Variants in ARHGAP17 observed in about 807,000 individuals in gnomAD.
The protein encoded by ARHGAP17 is rho GTPase-activating protein 17.
ARHGAP17 carries 57 observed loss-of-function variants against 99.5 expected under a neutral mutation model. That is an observed-to-expected ratio of 0.57 (90% CI 0.46 to 0.71). The LOEUF (loss-of-function observed/expected upper bound fraction) is 0.71, where lower values mean the gene tolerates loss of function less well. Ranked by LOEUF, ARHGAP17 falls within the 30% of genes least tolerant of loss-of-function variation. The probability of loss-of-function intolerance (pLI) is 0.00; values close to 1 mark genes in which losing one functional copy is unlikely to be tolerated. For synonymous variants in ARHGAP17, 417 were observed against 429.6 expected, an observed-to-expected ratio of 0.97 and a Z score of 0.36; for missense variants, 1,000 against 1,122.4, an observed-to-expected ratio of 0.89 and a Z score of 1.56.
In ARHGAP17 at chr16:24,920,070, C is replaced by T. The variant is rs181644997; in HGVS notation, c.*60G>A. The T allele has an allele frequency of 6.9e-6, 11 of 1,588,296 alleles. No individual in the cohort carries two copies. Among genetic ancestry groups the T allele is most frequent in the South Asian group, 1.1e-5 (1 of 89,144 alleles). ...TGTTCGGTCTGCAAAGAAAGAGGTT[C>T]GCCTGCCCCTGCTCCACTCGCCAGG... On this transcript the variant is annotated 3_prime_UTR_variant, in exon 20 of 20. Transcript: ENST00000289968.
chr16:24,935,430 A>G, intron 18 of ARHGAP17, 40 bp downstream of exon 18: 1 of 1,550,258 alleles, frequency 6.5e-7, no homozygotes, highest in Non-Finnish European at 8.7e-7. Context: ...GGAGGTCTGC[A>G]CAGGCTTCCC....
rs1299458878 is a variant in ARHGAP17 at position 25,015,216 on chromosome 16, C to T, written c.46G>A (p.Val16Met). The change falls in exon 1 of 20, where the codon GTG becomes ATG. Residue 16 changes from valine (V) to methionine (M), a missense_variant. Around this residue, in one of 2 missense-constraint regions of ARHGAP17, gnomAD observed 472 missense variants for 611.1 expected, o/e 0.77. Transcript: ENST00000289968. ...GCTGCCCGGCGCACTCGCCTGCCCA[C>T]GGTCTGGTTAGCCAGCTGCTTCATG... Reference protein sequence around the residue: ...NRMKQLANQTVGRAEKTEVLS... With the variant: ...NRMKQLANQTMGRAEKTEVLS... 7.4e-7 allele frequency: 1 copy of T among 1,342,952 alleles called. No individual in the cohort carries two copies. The highest frequency in any genetic ancestry group is 3.3e-5 in the Admixed American group (1 of 30,712). The allele number at this position is 1,342,952 out of a possible 1,614,324, so 83.2% of individuals were successfully genotyped here.
chr16:24,972,926 C>G (rs944538801), intron 3 of ARHGAP17, among the ~76,000 whole-genome samples: 6 of 143,824 alleles, frequency 4.2e-5, no homozygotes, highest in African/African-American at 1.6e-4. Flanking sequence ...AGCTTTCTAT[C>G]ATCAGGGATA....
chr16:24,984,257 AC>A (rs2052788347), intron 1 of ARHGAP17, among the ~76,000 whole-genome samples: 1 of 152,302 alleles, frequency 6.6e-6, no homozygotes, highest in Non-Finnish European at 1.5e-5. Context: ...GGTCTTCCAA[AC>A]AATGAGCACT....
intron 6 of ARHGAP17, among the ~76,000 whole-genome samples, chr16:24,965,582 G>A (rs531201620): frequency 9.2e-5 from 14 of 152,298 alleles, no homozygotes; most frequent in African/African-American, 2.2e-4. Flanking sequence ...TGTTCCTGAC[G>A]TGACACACTC....
chr16:24,951,773 T>C (rs539141602), intron 12 of ARHGAP17, among the ~76,000 whole-genome samples: 1 of 152,374 alleles, frequency 6.6e-6, no homozygotes, highest in Non-Finnish European at 1.5e-5. Flanking sequence ...TATGTGTTAA[T>C]TGACTAGGTT....
intron 1 of ARHGAP17, among the ~76,000 whole-genome samples, chr16:24,993,613 G>C (rs1486805937): frequency 1.3e-5 from 2 of 151,498 alleles, no homozygotes; most frequent in Non-Finnish European, 2.9e-5. Flanking sequence ...AAAGTAACGG[G>C]CAAAAACATG....
At position 24,970,494 on chromosome 16, in the gene ARHGAP17, C is replaced by T. The variant is rs777279006; in HGVS notation, c.272+13G>A. ...TACATGGCACTTGGCACTCTGAAGG[C>T]AGCAACTCTTACCCCAGGAGAGAGT... On this transcript the variant is annotated intron_variant, in intron 4 of 19. Coordinates refer to ENST00000289968, the MANE Select transcript of ARHGAP17 (RefSeq NM_001006634.3). 3 of 1,613,660 alleles carry T rather than the reference C, an allele frequency of 1.9e-6. No individual in the cohort carries two copies. The South Asian group carries it at 3.3e-5, about 18-fold the overall frequency.
chr16:24,930,537 T>C (rs1397201008), intron 19 of ARHGAP17, among the ~76,000 whole-genome samples: 1 of 152,156 alleles, frequency 6.6e-6, no homozygotes, highest in Non-Finnish European at 1.5e-5. Context: ...GGCCACAGGA[T>C]CTTTGGTCAC....
At position 24,961,503 on chromosome 16, in the gene ARHGAP17, T is replaced by TA. The variant is rs1275146164; in HGVS notation, c.574-1525dup. 1.4e-3 allele frequency among the ~76,000 whole-genome samples: 139 copies of TA among 99,590 alleles called. 1 individual carries two copies. The highest frequency in any genetic ancestry group is 3.8e-3 in the African/African-American group (99 of 25,956). The allele number at this position is 99,590 out of a possible 152,430, so 65.3% of individuals were successfully genotyped here. ...AACAGAGCAAGATCTAGTCTCTAAG[T>TA]AAAAAAAAAAAAAAATTTTTTTTTT... On this transcript the variant is annotated intron_variant, in intron 7 of 19. Coordinates refer to ENST00000289968, the MANE Select transcript of ARHGAP17 (RefSeq NM_001006634.3).
At chr16:24,995,020 T>G (rs533373323) in intron 1 of ARHGAP17, among the ~76,000 whole-genome samples, 1 of 152,310 alleles carries the variant, frequency 6.6e-6, no homozygotes, top group Non-Finnish European at 1.5e-5. Context: ...AAACACGTCC[T>G]TCTTCAAATG....
Position 25,015,236 on chromosome 16 carries a change from T to C in ARHGAP17, c.26A>G (p.Lys9Arg). Residue 9 changes from lysine (K) to arginine (R), a missense_variant, in exon 1 of 20, where the codon AAG becomes AGG. By Grantham distance (26) the Lys-to-Arg change is conservative (BLOSUM62 2). Transcript: ENST00000289968. Reference sequence around the variant, plus strand: ...GCCCACGGTCTGGTTAGCCAGCTGCTTCATGCGGTTGAACTGCTTCTTCAT... The same window carrying C: ...GCCCACGGTCTGGTTAGCCAGCTGCCTCATGCGGTTGAACTGCTTCTTCAT... MKKQFNRMKQLANQTVGRA... is the reference protein window; with the variant it reads MKKQFNRMRQLANQTVGRA... 2 of 1,362,450 alleles carry C rather than the reference T, an allele frequency of 1.5e-6. No homozygotes were observed. Among genetic ancestry groups the C allele is most frequent in the Non-Finnish European group, 1.9e-6 (2 of 1,046,732 alleles). 84.4% of individuals were successfully genotyped at this position (1,362,450 alleles called of 1,614,324 possible).
chr16:24,944,244 C>T (rs1238607544), intron 14 of ARHGAP17, among the ~76,000 whole-genome samples: 4 of 147,508 alleles, frequency 2.7e-5, no homozygotes, highest in Non-Finnish European at 4.4e-5. Context: ...GCACTCCAGC[C>T]TAGTGACAGA....
In ARHGAP17 at chr16:24,920,030, C is replaced by A. The variant is rs2050678628; in HGVS notation, c.*100G>T. On this transcript the variant is annotated 3_prime_UTR_variant, in exon 20 of 20. Coordinates refer to ENST00000289968, the MANE Select transcript of ARHGAP17 (RefSeq NM_001006634.3). ...CAGTGAGGCCCTCCTTTGTCCTCCA[C>A]TGAAAGCTTTTCACTGTTCGGTCTG... 1.3e-6 allele frequency: 2 copies of A among 1,517,178 alleles called. No homozygotes were observed. Among genetic ancestry groups the A allele is most frequent in the Admixed American group, 1.8e-5 (1 of 54,542 alleles). 94.0% of individuals were successfully genotyped at this position (1,517,178 alleles called of 1,614,324 possible). A position where few individuals can be genotyped will look rare whatever the true frequency, so the allele number is the denominator to read the frequency against.
At chr16:25,003,038 C>CA (rs1177218423) in intron 1 of ARHGAP17, among the ~76,000 whole-genome samples, 3,301 of 52,960 alleles carry the variant, frequency 0.062, 269 homozygotes, top group African/African-American at 0.092. Flanking sequence ...GACTCCGTCT[C>CA]AAAAAAAAAA....
rs759241911 is a variant in ARHGAP17, at chr16:24,931,362, G to A, written c.1937C>T (p.Pro646Leu). 3 of 1,513,834 alleles carry A rather than the reference G, an allele frequency of 2.0e-6. No individual in the cohort carries two copies. Among genetic ancestry groups the A allele is most frequent in the African/African-American group, 2.8e-5 (2 of 71,346 alleles). 93.8% of individuals were successfully genotyped at this position (1,513,834 alleles called of 1,614,324 possible). ...PAPAPPKPGN[P>L]PPGHPGGQSS... Reference sequence around the variant, plus strand: ...CTGGCCCCCGGGGTGGCCAGGAGGTGGGTTGCCCGGTTTCGGGGGTGCTGG... The same window carrying A: ...CTGGCCCCCGGGGTGGCCAGGAGGTAGGTTGCCCGGTTTCGGGGGTGCTGG... The change falls in exon 19 of 20, where the codon CCA becomes CTA. Residue 646 changes from proline (P) to leucine (L), a missense_variant. This residue lies in a region of ARHGAP17 where 528 missense variants were observed against 511.4 expected (regional missense o/e 1.03). Coordinates refer to ENST00000289968, the MANE Select transcript of ARHGAP17 (RefSeq NM_001006634.3).
chr16:25,010,909 G>C (rs994077143), intron 1 of ARHGAP17, among the ~76,000 whole-genome samples: 3 of 152,216 alleles, frequency 2.0e-5, no homozygotes, highest in African/African-American at 7.2e-5. Context: ...ACAACTATCT[G>C]TGAAAGCATT....
intron 13 of ARHGAP17, chr16:24,949,032 T>G (rs1033188562): frequency 6.3e-6 from 1 of 159,800 alleles, no homozygotes; most frequent in African/African-American, 2.4e-5. Context: ...TTAAGTAGCA[T>G]ATATAAAAGA....
rs2052326848 is a variant in ARHGAP17 at position 24,970,403 on chromosome 16, A to G, written c.272+104T>C. The G allele has an allele frequency of 1.3e-5, 14 of 1,092,620 alleles. No homozygotes were observed. The South Asian group carries it at 1.6e-4, about 12-fold the overall frequency. The allele number at this position is 1,092,620 out of a possible 1,614,324, so 67.7% of individuals were successfully genotyped here. ...GGTCTCCTAGCGGATGAGCCATGCC[A>G]TCAACGCTCACAGTTCCTCTCACAG... On this transcript the variant is annotated intron_variant, in intron 4 of 19. Transcript: ENST00000289968.
Sources: allele counts gnomAD v4.1 joint callset (sites outside exome capture counted in the v4.1 genomes callset), GRCh38; gene constraint gnomAD v4.1.1; regional missense constraint gnomAD v4.1.1; transcripts MANE v1.5; gene names NCBI Gene and HGNC (gene_info 2026-07-23, HGNC 2026-07-21).